NDST4: variants seen among roughly 807,000 people sequenced by gnomAD.
NDST4 encodes N-heparan sulfate sulfotransferase 4.
NDST4 carries 63 observed loss-of-function variants against 100.8 expected under a neutral mutation model. The observed-to-expected ratio is 0.62, with a 90% CI of 0.51 to 0.77. NDST4 has a LOEUF of 0.77. NDST4 is among the 30% of genes least tolerant of loss of function. The pLI is 0.00. For synonymous variants in NDST4, 377 were observed against 361.8 expected, an observed-to-expected ratio of 1.04 and a Z score of -0.48; for missense variants, 943 against 1,018.4, an observed-to-expected ratio of 0.93 and a Z score of 1.01.
chr4:114,977,121 A>C, intron 3 of NDST4, 66 bp downstream of exon 3: 1 of 1,048,094 alleles, frequency 9.5e-7, no homozygotes, highest in South Asian at 1.4e-5. Flanking sequence ...TCTACCACTT[A>C]TGAATCATTC....
At chr4:114,994,190 T>C (rs1190458645) in intron 2 of NDST4, among the ~76,000 whole-genome samples, 10 of 151,990 alleles carry the variant, frequency 6.6e-5, no homozygotes, top group African/African-American at 2.4e-5. Context: ...TGTTCTTACA[T>C]TTAAAATATG....
chr4:114,986,611 C>T (rs1320185211), intron 2 of NDST4, among the ~76,000 whole-genome samples: 3 of 151,594 alleles, frequency 2.0e-5, no homozygotes, highest in Admixed American at 6.6e-5. Flanking sequence ...ACTATGTCTG[C>T]GTCCTGCACT....
At chr4:115,108,104 AC>A (rs1729867607) in intron 1 of NDST4, among the ~76,000 whole-genome samples, 1 of 152,236 alleles carries the variant, frequency 6.6e-6, no homozygotes, top group East Asian at 1.9e-4. Context: ...TGATTGAGAA[AC>A]CAAATTTAAA....
At chr4:115,000,848 G>A (rs961959666) in intron 2 of NDST4, among the ~76,000 whole-genome samples, 1 of 152,088 alleles carries the variant, frequency 6.6e-6, no homozygotes, top group African/African-American at 2.4e-5. Context: ...ATTTCTTACA[G>A]TACTGGAGGC....
At chr4:115,039,682 G>A (rs1298557371) in intron 2 of NDST4, among the ~76,000 whole-genome samples, 1 of 151,988 alleles carries the variant, frequency 6.6e-6, no homozygotes, top group African/African-American at 2.4e-5. Context: ...TACGACAATG[G>A]ATCAATCTCC....
chr4:114,891,446 C>T (rs1724594639), intron 6 of NDST4, among the ~76,000 whole-genome samples: 2 of 152,192 alleles, frequency 1.3e-5, no homozygotes, highest in Admixed American at 1.3e-4. Context: ...AAACCAACTC[C>T]TCCACCAGAT....
At chr4:114,856,187 G>A (rs539000448) in intron 7 of NDST4, among the ~76,000 whole-genome samples, 23 of 151,640 alleles carry the variant, frequency 1.5e-4, no homozygotes, top group East Asian at 7.8e-4. Flanking sequence ...CTCAGCCTCC[G>A]GATTATCTGA....
rs557899052 is a variant in NDST4 at position 114,995,111 on chromosome 4, T to C, written c.979-17837A>G. On this transcript the variant is annotated intron_variant, in intron 2 of 13. Coordinates refer to ENST00000264363, the MANE Select transcript of NDST4 (RefSeq NM_022569.3). ...TAGAATCCCCAAGAAGCATTTAAGTTATTATTCTTTCTCATTATTACTAAT... is the reference window on the plus strand; with the variant it reads ...TAGAATCCCCAAGAAGCATTTAAGTCATTATTCTTTCTCATTATTACTAAT... Among the ~76,000 whole-genome samples the C allele has an allele frequency of 3.3e-5, 5 of 152,188 alleles. No individual in the cohort carries two copies. In the South Asian group the frequency reaches 1.0e-3, roughly 32 times the overall value.
chr4:114,993,315 G>T (rs1727081223), intron 2 of NDST4, among the ~76,000 whole-genome samples: 1 of 151,886 alleles, frequency 6.6e-6, no homozygotes. Flanking sequence ...TGTATTAGTT[G>T]TGCATTTCTT....
intron 6 of NDST4, among the ~76,000 whole-genome samples, chr4:114,888,688 A>G (rs1404677624): frequency 6.6e-6 from 1 of 152,126 alleles, no homozygotes; most frequent in Non-Finnish European, 1.5e-5. Context: ...GTTAATCCAT[A>G]AGTTATTTCT....
intron 2 of NDST4, among the ~76,000 whole-genome samples, chr4:115,062,678 G>A (rs998286911): frequency 2.7e-5 from 4 of 150,714 alleles, no homozygotes; most frequent in African/African-American, 4.9e-5. Context: ...ACAAGAAAAA[G>A]GCATACAGAG....
At chr4:114,847,416 A>AAAAAAAAAAAAAAAAAAAAAAAT (rs1391736224) in intron 9 of NDST4, among the ~76,000 whole-genome samples, 1 of 103,598 alleles carries the variant, frequency 9.7e-6, no homozygotes, top group African/African-American at 4.2e-5. Context: ...AAAAAAAAAA[A>AAAAAAAAAAAAAAAAAAAAAAAT]GTGTCTTTCA....
intron 4 of NDST4, among the ~76,000 whole-genome samples, chr4:114,962,914 ATAACAAGGGT>A (rs938340154): frequency 6.6e-6 from 1 of 152,152 alleles, no homozygotes; most frequent in Non-Finnish European, 1.5e-5. Context: ...AAGGTAGATA[ATAACAAGGGT>A]TGGTGAGAGC....
chr4:115,009,030 A>C (rs1440942826), intron 2 of NDST4, among the ~76,000 whole-genome samples: 1 of 126,156 alleles, frequency 7.9e-6, no homozygotes, highest in African/African-American at 3.0e-5. Flanking sequence ...CAATGAAATA[A>C]AAGAGGATAC....
chr4:114,929,074 G>GTCCATCCATCCATCCATCCA (rs1295994273), intron 6 of NDST4, among the ~76,000 whole-genome samples: 4 of 120,562 alleles, frequency 3.3e-5, no homozygotes, highest in Non-Finnish European at 6.8e-5. Flanking sequence ...CCGTCCGTCC[G>GTCCATCCATCCATCCATCCA]TCCATCCATC....
chr4:114,846,080 A>T, intron 9 of NDST4, 83 bp from the exon 10 acceptor site: 1 of 1,018,722 alleles, frequency 9.8e-7, no homozygotes, highest in Non-Finnish European at 1.4e-6. Flanking sequence ...GGAACATTTT[A>T]ATATTCATTT....
intron 6 of NDST4, among the ~76,000 whole-genome samples, chr4:114,910,692 A>G (rs576816808): frequency 6.6e-6 from 1 of 152,256 alleles, no homozygotes; most frequent in South Asian, 2.1e-4. Context: ...CCAAATGACT[A>G]ACGTGTTAGA....
intron 6 of NDST4, among the ~76,000 whole-genome samples, chr4:114,901,863 TAG>T (rs915603737): frequency 5.3e-5 from 8 of 151,980 alleles, no homozygotes; most frequent in African/African-American, 1.9e-4. Context: ...GTGACTGTAA[TAG>T]AGTTTCCAAT....
chr4:115,046,028 C>T (rs1033271560), intron 2 of NDST4, among the ~76,000 whole-genome samples: 1 of 152,122 alleles, frequency 6.6e-6, no homozygotes, highest in African/African-American at 2.4e-5. Context: ...TCACACCTGT[C>T]GCCTTCTCTG....
Sources: gnomAD v4.1 joint callset for allele counts (sites outside exome capture counted in the v4.1 genomes callset) on GRCh38, gnomAD v4.1.1 for gene constraint, MANE v1.5 for transcripts, NCBI Gene and HGNC (gene_info 2026-07-23, HGNC 2026-07-21) for gene names.